TAFA5: variants seen among roughly 807,000 people sequenced by gnomAD.
TAFA5 encodes chemokine-like protein TAFA-5.
A neutral mutation model predicts 15.3 loss-of-function variants in TAFA5; 6 were observed. The ratio of observed to expected loss-of-function variants is 0.39; its 90% confidence interval spans 0.21 to 0.77. The LOEUF is 0.77. Among genes scored for constraint, TAFA5 ranks in the 30% least tolerant of loss-of-function variants. The probability of loss-of-function intolerance (pLI) is 0.41; values close to 1 mark genes in which losing one functional copy is unlikely to be tolerated. For missense variants in TAFA5, 161 were observed against 193.1 expected (o/e 0.83, Z 0.98); for synonymous variants, 103 against 80.7 (o/e 1.28, Z -1.48).
At chr22:48,665,496 C>T (rs1054075309) in intron 2 of TAFA5, among the ~76,000 whole-genome samples, 1 of 152,148 alleles carries the variant, frequency 6.6e-6, no homozygotes, top group Non-Finnish European at 1.5e-5. Context: ...GCGTTCTTGT[C>T]CCAGCTTTCC....
At chr22:48,501,309 C>T (rs2147096020) in intron 1 of TAFA5, among the ~76,000 whole-genome samples, 1 of 152,374 alleles carries the variant, frequency 6.6e-6, no homozygotes, top group Middle Eastern at 3.4e-3. Flanking sequence ...CCAGGCCTGA[C>T]TCCCCAACCT....
intron 1 of TAFA5, among the ~76,000 whole-genome samples, chr22:48,569,646 C>G (rs892319890): frequency 6.6e-6 from 1 of 152,168 alleles, no homozygotes; most frequent in African/African-American, 2.4e-5. Context: ...AGTCTGCTGT[C>G]GTTGCATTGC....
At chr22:48,707,647 G>A in intron 2 of TAFA5, 70 bp from the exon 3 acceptor site, 3 of 1,558,448 alleles carry the variant, frequency 1.9e-6, no homozygotes, top group Non-Finnish European at 2.6e-6. Context: ...CCAGGACCCA[G>A]GTGCCCTCAG....
chr22:48,619,712 G>A (rs940748315), intron 1 of TAFA5, among the ~76,000 whole-genome samples: 1 of 152,248 alleles, frequency 6.6e-6, no homozygotes, highest in Non-Finnish European at 1.5e-5. Flanking sequence ...ACCGGACTCA[G>A]GGCCTCAGTC....
In TAFA5 at chr22:48,626,880, C is replaced by T. The variant is rs561257137; in HGVS notation, c.113-19717C>T. 2.0e-5 allele frequency among the ~76,000 whole-genome samples: 3 copies of T among 152,302 alleles called. No homozygotes were observed. The East Asian group carries it at 5.8e-4, about 29-fold the overall frequency. ...GGTTTTTGTGAAAGTGTGAGGTTGGCGTTTAGATACCATTTTTCCTTTTTG... is the reference window on the plus strand; with the variant it reads ...GGTTTTTGTGAAAGTGTGAGGTTGGTGTTTAGATACCATTTTTCCTTTTTG... On this transcript the variant is annotated intron_variant, in intron 1 of 3. Coordinates refer to ENST00000402357, the MANE Select transcript of TAFA5 (RefSeq NM_001082967.3).
At chr22:48,568,249 C>CT (rs1295464422) in intron 1 of TAFA5, among the ~76,000 whole-genome samples, 1 of 152,252 alleles carries the variant, frequency 6.6e-6, no homozygotes, top group Non-Finnish European at 1.5e-5. Flanking sequence ...TCCATCTTCT[C>CT]TTTTTTCCTC....
chr22:48,700,381 G>A (rs941981660), intron 2 of TAFA5, among the ~76,000 whole-genome samples: 6 of 152,186 alleles, frequency 3.9e-5, no homozygotes, highest in Admixed American at 2.0e-4. Flanking sequence ...TGACCTCGCC[G>A]GGGAGAGTGT....
intron 1 of TAFA5, among the ~76,000 whole-genome samples, chr22:48,565,861 T>G (rs1923390073): frequency 1.3e-5 from 2 of 151,924 alleles, no homozygotes; most frequent in Non-Finnish European, 2.9e-5. Context: ...GACGGATGGA[T>G]GGACTGATGG....
Position 48,489,906 on chromosome 22 carries a change from T to A in TAFA5, c.112+202T>A, listed in dbSNP as rs1345156229. On this transcript the variant is annotated intron_variant, in intron 1 of 3. Transcript: ENST00000402357. The surrounding 1 kb of genome is among the most constrained non-coding windows in gnomAD (Gnocchi z 5.5). ...CCCGGGTTCCGGGCGCTCGAGCACT[T>A]CGGGGTCGGACGCCCCGGCCCGAGC... is the stretch of plus-strand genomic sequence containing the variant. 6.6e-6 allele frequency among the ~76,000 whole-genome samples: 1 copy of A among 151,474 alleles called. No homozygotes were observed. Among genetic ancestry groups the A allele is most frequent in the Admixed American group, 6.6e-5 (1 of 15,228 alleles).
chr22:48,621,775 C>G (rs763378906), intron 1 of TAFA5, among the ~76,000 whole-genome samples: 1 of 152,056 alleles, frequency 6.6e-6, no homozygotes, highest in Non-Finnish European at 1.5e-5. Flanking sequence ...ACTGGCCTCT[C>G]GAGGTGGGGA....
intron 2 of TAFA5, 48 bp from the exon 3 acceptor site, chr22:48,707,669 C>A (rs768094480): frequency 1.9e-6 from 3 of 1,597,784 alleles, no homozygotes; most frequent in South Asian, 1.1e-5. Context: ...AACACCCTCA[C>A]GATCCATGAG....
chr22:48,630,709 AG>A, intron 1 of TAFA5, among the ~76,000 whole-genome samples: 1 of 152,314 alleles, frequency 6.6e-6, no homozygotes, highest in East Asian at 1.9e-4. Flanking sequence ...GAAGCCACAC[AG>A]GCTGCAGGGC....
intron 1 of TAFA5, chr22:48,545,022 C>T (rs1002211675): frequency 5.2e-6 from 2 of 386,174 alleles, no homozygotes; most frequent in Admixed American, 3.0e-5. Context: ...CAGCCAGCCC[C>T]CAGTGGCTCA....
At chr22:48,506,604 C>T (rs1301161168) in intron 1 of TAFA5, among the ~76,000 whole-genome samples, 1 of 152,176 alleles carries the variant, frequency 6.6e-6, no homozygotes, top group Non-Finnish European at 1.5e-5. Flanking sequence ...TCAGGCAGGG[C>T]CCCCTGCCAG....
chr22:48,627,802 G>A (rs1237916493), intron 1 of TAFA5, among the ~76,000 whole-genome samples: 2 of 152,264 alleles, frequency 1.3e-5, no homozygotes, highest in African/African-American at 2.4e-5. Context: ...TGGCCAGGAC[G>A]AGGGGGAGGG....
At chr22:48,517,597 A>T (rs187035363) in intron 1 of TAFA5, among the ~76,000 whole-genome samples, 1 of 152,200 alleles carries the variant, frequency 6.6e-6, no homozygotes, top group East Asian at 1.9e-4. Context: ...TGTCCCGCGT[A>T]CGGGCATCCG....
chr22:48,653,104 C>T (rs1040850928), intron 2 of TAFA5, among the ~76,000 whole-genome samples: 3 of 152,306 alleles, frequency 2.0e-5, no homozygotes, highest in South Asian at 2.1e-4. Flanking sequence ...TGCTGCCACC[C>T]GCGGCCTTTT....
chr22:48,750,288 G>C lies in TAFA5; in HGVS notation c.*441G>C. On this transcript the variant is annotated 3_prime_UTR_variant, in exon 4 of 4. Transcript: ENST00000402357. The stretch of plus-strand genomic sequence containing the variant: ...TCCCGTGCCCCAGACTGTCCGAATT[G>C]CTTTTATTTTCTTATACTTTCAGTA... The C allele has an allele frequency of 5.0e-6, 1 of 198,316 alleles. No individual in the cohort carries two copies. The highest frequency in any genetic ancestry group is 1.2e-4 in the South Asian group (1 of 8,596). 12.3% of individuals were successfully genotyped at this position (198,316 alleles called of 1,614,324 possible). A position where few individuals can be genotyped will look rare whatever the true frequency, so the allele number is the denominator to read the frequency against.
At chr22:48,571,608 C>CTTTTTTTTTTTTTAT (rs1601586303) in intron 1 of TAFA5, among the ~76,000 whole-genome samples, 1 of 33,538 alleles carries the variant, frequency 3.0e-5, no homozygotes, top group Non-Finnish European at 5.7e-5. Context: ...TTTTTTTTTG[C>CTTTTTTTTTTTTTAT]TTTAAAAAAA....
Sources: allele counts gnomAD v4.1 joint callset (sites outside exome capture counted in the v4.1 genomes callset), GRCh38; gene constraint gnomAD v4.1.1; non-coding constraint Gnocchi (gnomAD v3.1); transcripts MANE v1.5; gene names NCBI Gene and HGNC (gene_info 2026-07-23, HGNC 2026-07-21).